The following RUBCN variants were observed in gnomAD, a reference collection of about 807,000 sequenced individuals.
The protein encoded by RUBCN is run domain Beclin-1-interacting and cysteine-rich domain-containing protein.
Under a neutral mutation model 113.2 loss-of-function variants are expected in RUBCN, and 74 were observed. The ratio of observed to expected loss-of-function variants is 0.65; its 90% CI spans 0.54 to 0.79. RUBCN has a LOEUF of 0.79. RUBCN is among the 30% of genes least tolerant of loss of function. The pLI is 0.00. For missense variants in RUBCN, 1,109 were observed against 1,251.7 expected (o/e 0.89, Z 1.72); for synonymous variants, 480 against 490.0 (o/e 0.98, Z 0.27).
chr3:197,729,292 G>A (rs577345943), intron 1 of RUBCN, among the ~76,000 whole-genome samples: 63 of 151,850 alleles, frequency 4.1e-4, no homozygotes, highest in African/African-American at 1.4e-3. Flanking sequence ...TCGCTCTGTC[G>A]CCCAGCCTGG....
chr3:197,677,598 G>A lies in RUBCN; in HGVS notation c.2431-57C>T, dbSNP rs1395977433. 3.3e-6 allele frequency: 5 copies of A among 1,534,720 alleles called. No homozygotes were observed. The East Asian group carries it at 1.1e-4, about 34-fold the overall frequency. ...AGGGAGATGTGAGAAGAGGAATCCA[G>A]TGTGGGAAGCCCAGGGCCTTTAAAC... is the stretch of plus-strand genomic sequence containing the variant. On this transcript the variant is annotated intron_variant, in intron 16 of 19. Coordinates refer to ENST00000296343, the MANE Select transcript of RUBCN (RefSeq NM_014687.4).
At chr3:197,697,316 G>A (rs1233678097) in intron 7 of RUBCN, among the ~76,000 whole-genome samples, 1 of 152,188 alleles carries the variant, frequency 6.6e-6, no homozygotes, top group Non-Finnish European at 1.5e-5. Flanking sequence ...ATGGATTCAT[G>A]GAATTTGCTT....
chr3:197,704,587 G>A lies in RUBCN; in HGVS notation c.418C>T (p.Arg140Trp), dbSNP rs200502031. ...TACTGTCTATCCCCGAGCAGGGGCC[G>A]GAGCTGGGCTGAGAGGCAGTGGTAC... is the stretch of plus-strand genomic sequence containing the variant. ...LQYHCLSAQL[R>W]PLLGDRQYIR... The change falls in exon 4 of 20, where the codon CGG becomes TGG. Residue 140 changes from arginine (R) to tryptophan (W), a missense_variant. Arg to Trp is a moderately radical substitution (Grantham distance 101, BLOSUM62 -3). Coordinates refer to ENST00000296343, the MANE Select transcript of RUBCN (RefSeq NM_014687.4). The A allele has an allele frequency of 7.0e-5, 113 of 1,614,176 alleles. No homozygotes were observed. The highest frequency in any genetic ancestry group is 5.5e-4 in the African/African-American group (41 of 75,040).
At chr3:197,748,771 A>G (rs1446468764) in intron 1 of RUBCN, among the ~76,000 whole-genome samples, 1 of 152,250 alleles carries the variant, frequency 6.6e-6, no homozygotes, top group African/African-American at 2.4e-5. Context: ...TGACATGCAT[A>G]AGAAATATTT....
intron 1 of RUBCN, among the ~76,000 whole-genome samples, chr3:197,749,050 A>G (rs893336222): frequency 9.9e-5 from 15 of 152,262 alleles, no homozygotes; most frequent in African/African-American, 2.9e-4. Context: ...TATAACCTAA[A>G]CGCTTCCACA....
chr3:197,699,779 G>A (rs1284431836), intron 7 of RUBCN, among the ~76,000 whole-genome samples: 1 of 152,190 alleles, frequency 6.6e-6, no homozygotes, highest in South Asian at 2.1e-4. Context: ...GCTATCTCCA[G>A]TTGCTAAAGA....
chr3:197,703,001 T>C (rs1723851462), intron 5 of RUBCN, among the ~76,000 whole-genome samples: 1 of 152,100 alleles, frequency 6.6e-6, no homozygotes, highest in African/African-American at 2.4e-5. Flanking sequence ...TTTAACAAAA[T>C]CTACCTCCCC....
Position 197,676,900 on chromosome 3 carries a change from A to G in RUBCN, c.2631T>C (p.His877=). 1 of 1,614,084 alleles carries G rather than the reference A, an allele frequency of 6.2e-7. No homozygotes were observed. Residue 877 remains histidine, a synonymous_variant, in exon 18 of 20, where the codon CAT becomes CAC. Transcript: ENST00000296343. The stretch of plus-strand genomic sequence containing the variant: ...ACTTTCTCACCATGCATCTCTCCAC[A>G]TGGGTAGCCCCTGCCCTGGTGAGCT... ...LAELTRAGAT[H]VERCMLCQAK... is the part of the protein sequence containing the mutation.
intron 16 of RUBCN, among the ~76,000 whole-genome samples, chr3:197,680,352 G>A (rs943586301): frequency 8.1e-5 from 11 of 135,080 alleles, no homozygotes; most frequent in African/African-American, 2.3e-4. Context: ...ACTGTCCTAC[G>A]CTCTAACTGA....
In RUBCN at chr3:197,705,056, G is replaced by A. The variant is rs59078866; in HGVS notation, c.303+36C>T. On this transcript the variant is annotated intron_variant, in intron 3 of 19. Transcript: ENST00000296343. ...GAGCCTCAAACAGTGAAGACCCACA[G>A]CTCTGCCAGCACAGCCGCTCTGCTC... The A allele has an allele frequency of 6.3e-3, 9,651 of 1,533,456 alleles. 476 individuals are homozygous for A. In the African/African-American group the frequency reaches 0.11, roughly 18 times the overall value. The allele number at this position is 1,533,456 out of a possible 1,614,324, so 95.0% of individuals were successfully genotyped here. A position where few individuals can be genotyped will look rare whatever the true frequency, so the allele number is the denominator to read the frequency against.
intron 4 of RUBCN, 115 bp from the exon 5 acceptor site, chr3:197,703,769 CAG>C (rs1723970748): frequency 5.5e-6 from 4 of 723,756 alleles, no homozygotes; most frequent in Non-Finnish European, 9.9e-6. Context: ...GAAGGCAGAT[CAG>C]AAACAAAGTA....
intron 16 of RUBCN, among the ~76,000 whole-genome samples, chr3:197,678,519 C>CT (rs1053124339): frequency 2.9e-4 from 44 of 150,954 alleles, no homozygotes; most frequent in Admixed American, 2.0e-4. Context: ...GTCCTACGCT[C>CT]TAACAACTGG....
At chr3:197,680,936 G>A (rs1721146643) in intron 16 of RUBCN, among the ~76,000 whole-genome samples, 193 bp downstream of exon 16, 2 of 149,660 alleles carry the variant, frequency 1.3e-5, no homozygotes, top group South Asian at 2.1e-4. Flanking sequence ...TTGACACTGC[G>A]ATAACAAGAA....
chr3:197,684,591 C>A (rs1200873727), intron 11 of RUBCN, among the ~76,000 whole-genome samples: 1 of 151,954 alleles, frequency 6.6e-6, no homozygotes, highest in African/African-American at 2.4e-5. Flanking sequence ...CCTCACTCTC[C>A]ACATCTTAAC....
chr3:197,716,012 C>T (rs1183337455), intron 2 of RUBCN, among the ~76,000 whole-genome samples: 1 of 151,964 alleles, frequency 6.6e-6, no homozygotes, highest in Non-Finnish European at 1.5e-5. Context: ...TCTAATTACA[C>T]GAATCTTATC....
rs779180017 is a variant in RUBCN at position 197,694,335 on chromosome 3, G to T, written c.1684+40C>A. 5.0e-6 allele frequency: 8 copies of T among 1,586,696 alleles called. No individual in the cohort carries two copies. In the African/African-American group the frequency reaches 8.1e-5, roughly 16 times the overall value. On this transcript the variant is annotated intron_variant, in intron 10 of 19. Coordinates refer to ENST00000296343, the MANE Select transcript of RUBCN (RefSeq NM_014687.4). ...GGCACCAGGCCTTATGCTGAAGTTGGGAAAATGTGGGAACAGAAGCATCCA... is the reference window on the plus strand; with the variant it reads ...GGCACCAGGCCTTATGCTGAAGTTGTGAAAATGTGGGAACAGAAGCATCCA...
At chr3:197,684,647 TATATATATATAC>T (rs1201697615) in intron 11 of RUBCN, among the ~76,000 whole-genome samples, 2 of 151,268 alleles carry the variant, frequency 1.3e-5, no homozygotes, top group Admixed American at 6.6e-5. Flanking sequence ...CTGTCTGGCT[TATATATATATAC>T]ATATATATAT....
intron 7 of RUBCN, among the ~76,000 whole-genome samples, chr3:197,697,338 C>A (rs1344438760): frequency 6.6e-6 from 1 of 152,222 alleles, no homozygotes; most frequent in Admixed American, 6.5e-5. Context: ...TCTTTCCTTA[C>A]ATCTTTTAAC....
chr3:197,710,025 C>T (rs1015450274), intron 2 of RUBCN, among the ~76,000 whole-genome samples: 1 of 151,832 alleles, frequency 6.6e-6, no homozygotes, highest in African/African-American at 2.4e-5. Flanking sequence ...CAAAAATTAG[C>T]CAGGCGTGGT....
Sources: gnomAD v4.1 joint callset for allele counts (sites outside exome capture counted in the v4.1 genomes callset) on GRCh38, gnomAD v4.1.1 for gene constraint, MANE v1.5 for transcripts, NCBI Gene and HGNC (gene_info 2026-07-23, HGNC 2026-07-21) for gene names.